The following FOLH1 variants were observed in gnomAD, a reference collection of about 807,000 sequenced individuals.
FOLH1 encodes glutamate carboxypeptidase 2.
FOLH1 carries 54 observed loss-of-function variants against 93.9 expected under a neutral mutation model. The ratio of observed to expected loss-of-function variants is 0.57; its 90% CI spans 0.46 to 0.72. The LOEUF is 0.72. FOLH1 is among the 30% of genes least tolerant of loss of function. The pLI, the probability that FOLH1 is intolerant of heterozygous loss-of-function variation, is 0.00. For missense variants in FOLH1, 571 were observed against 892.5 expected, an observed-to-expected ratio of 0.64 and a Z score of 4.59; for synonymous variants, 249 against 303.6, an observed-to-expected ratio of 0.82 and a Z score of 1.87.
intron 15 of FOLH1, 34 bp downstream of exon 15, chr11:49,156,683 A>G: frequency 1.9e-6 from 3 of 1,612,076 alleles, no homozygotes; most frequent in South Asian, 2.2e-5. Context: ...AAACATATTC[A>G]TAAATAATCT....
At chr11:49,184,221 G>A (rs374531251) in intron 6 of FOLH1, among the ~76,000 whole-genome samples, 16 of 152,170 alleles carry the variant, frequency 1.1e-4, no homozygotes, top group African/African-American at 3.1e-4. Context: ...AAATTGGAGA[G>A]ATAAACAAAT....
intron 2 of FOLH1, among the ~76,000 whole-genome samples, chr11:49,201,675 T>A (rs569297513): frequency 6.6e-6 from 1 of 152,300 alleles, no homozygotes; most frequent in African/African-American, 2.4e-5. Flanking sequence ...GGAGTCTCTA[T>A]CCCTTATCAG....
At chr11:49,166,433 C>T (rs1308320913) in intron 12 of FOLH1, among the ~76,000 whole-genome samples, 1 of 152,178 alleles carries the variant, frequency 6.6e-6, no homozygotes, top group African/African-American at 2.4e-5. Context: ...TATTTACTTA[C>T]TTATCTCAGA....
chr11:49,183,377 T>A, intron 6 of FOLH1, 135 bp from the exon 7 acceptor site: 1 of 668,788 alleles, frequency 1.5e-6, no homozygotes, highest in Non-Finnish European at 2.4e-6. Context: ...AATTCAAATG[T>A]TAGCGAGAAT....
At chr11:49,193,425 G>A (rs1194433379) in intron 3 of FOLH1, among the ~76,000 whole-genome samples, 1 of 152,058 alleles carries the variant, frequency 6.6e-6, no homozygotes, top group East Asian at 1.9e-4. Context: ...ACTAGCTTTC[G>A]ATTTTGGAGA....
chr11:49,192,827 G>T lies in FOLH1; in HGVS notation c.479C>A (p.Pro160His). The part of the protein sequence containing the change: ...GYENVSDIVP[P>H]FSAFSPQGMP... ...TCCTTGAGGAGAGAAAGCACTGAAAGGTGGTACAATATCCGAAACATTTTC... is the reference window on the plus strand; with the variant it reads ...TCCTTGAGGAGAGAAAGCACTGAAATGTGGTACAATATCCGAAACATTTTC... The change falls in exon 4 of 19, where the codon CCT becomes CAT. Residue 160 changes from proline (P) to histidine (H), a missense_variant. Coordinates refer to ENST00000256999, the MANE Select transcript of FOLH1 (RefSeq NM_004476.3). 6.2e-7 allele frequency: 1 copy of T among 1,608,136 alleles called. No individual in the cohort carries two copies. Among genetic ancestry groups the T allele is most frequent in the East Asian group, 2.2e-5 (1 of 44,582 alleles).
At chr11:49,159,986 G>A (rs1202230027) in intron 13 of FOLH1, among the ~76,000 whole-genome samples, 3 of 150,846 alleles carry the variant, frequency 2.0e-5, no homozygotes, top group African/African-American at 7.3e-5. Context: ...GCAATTGCGC[G>A]ATCTCTGCTC....
At chr11:49,157,861 A>G (rs1336678976) in intron 14 of FOLH1, 91 bp downstream of exon 14, 9 of 1,271,772 alleles carry the variant, frequency 7.1e-6, no homozygotes, top group South Asian at 6.6e-5. Flanking sequence ...TTTGAAACTT[A>G]ATTTTTCACT....
chr11:49,178,411 C>A lies in FOLH1; in HGVS notation c.921-2454G>T, dbSNP rs1351737790. On this transcript the variant is annotated intron_variant, in intron 7 of 18. Transcript: ENST00000256999. ...AATTGTGAACTTTGTAAATGTATTTCCTTTTCAGAATAAAAATTAATAGTC... is the reference window on the plus strand; with the variant it reads ...AATTGTGAACTTTGTAAATGTATTTACTTTTCAGAATAAAAATTAATAGTC... Among the ~76,000 whole-genome samples the A allele has an allele frequency of 3.3e-5, 5 of 152,088 alleles. No homozygotes were observed. The South Asian group carries it at 8.3e-4, about 25-fold the overall frequency.
chr11:49,202,584 C>T (rs1336321308), intron 2 of FOLH1, among the ~76,000 whole-genome samples: 1 of 152,178 alleles, frequency 6.6e-6, no homozygotes, highest in Non-Finnish European at 1.5e-5. Flanking sequence ...TCACTCAAGG[C>T]ATCTGCCTGC....
At position 49,200,398 on chromosome 11, in the gene FOLH1, A is replaced by C; in HGVS notation, c.268T>G (p.Phe90Val). The C allele has an allele frequency of 1.2e-6, 2 of 1,613,510 alleles. No homozygotes were observed. The change falls in exon 3 of 19, where the codon TTT (phenylalanine) becomes GTT (valine). Residue 90 changes from phenylalanine to valine, a missense_variant. This residue lies in a region of FOLH1 where 500 missense variants were observed against 822.9 expected (regional missense o/e 0.61). Coordinates refer to ENST00000256999, the MANE Select transcript of FOLH1 (RefSeq NM_004476.3). ...GATTGAATTTGCTTTGCAAGCTGAA[A>C]GTTTTGTTCTGTTCCTGCTAAATGT... ...IPHLAGTEQN[F>V]QLAKQIQSQW...
rs1323040955 is a variant in FOLH1, at chr11:49,192,921, A to T, written c.412-27T>A. 4.5e-6 allele frequency: 7 copies of T among 1,546,440 alleles called. No homozygotes were observed. In the Admixed American group the frequency reaches 1.4e-4, roughly 31 times the overall value. ...TAGAGAAACAAAATATTATAATCAA[A>T]ATAAAACAGTTAAAGTTTGATTACT... On this transcript the variant is annotated intron_variant, in intron 3 of 18. Transcript: ENST00000256999.
At chr11:49,187,209 C>T (rs1048447099) in intron 4 of FOLH1, among the ~76,000 whole-genome samples, 1 of 152,130 alleles carries the variant, frequency 6.6e-6, no homozygotes, top group African/African-American at 2.4e-5. Context: ...AAGAAAAATG[C>T]ACAGGTAACA....
At chr11:49,196,782 A>G (rs1367729122) in intron 3 of FOLH1, among the ~76,000 whole-genome samples, 1 of 152,192 alleles carries the variant, frequency 6.6e-6, no homozygotes, top group Non-Finnish European at 1.5e-5. Context: ...TACCATAATT[A>G]ATGGTGAGAA....
intron 4 of FOLH1, among the ~76,000 whole-genome samples, chr11:49,191,071 G>A (rs1407444587): frequency 6.6e-6 from 1 of 152,148 alleles, no homozygotes; most frequent in Non-Finnish European, 1.5e-5. Context: ...AGGTCAGGAG[G>A]CGCGATCTCG....
At chr11:49,206,208 A>C (rs777066596) in intron 1 of FOLH1, 36 bp from the exon 2 acceptor site, 10 of 1,609,878 alleles carry the variant, frequency 6.2e-6, no homozygotes, top group Non-Finnish European at 6.8e-6. Flanking sequence ...ATGAGATACG[A>C]GCCTATAGAT....
Position 49,164,370 on chromosome 11 carries a change from G to A in FOLH1, c.1440+335C>T, listed in dbSNP as rs200838647. Among the ~76,000 whole-genome samples, 64 of 152,244 alleles carry A rather than the reference G, an allele frequency of 4.2e-4. No individual in the cohort carries two copies. In the East Asian group the frequency reaches 0.012, roughly 29 times the overall value. On this transcript the variant is annotated intron_variant, in intron 13 of 18. Coordinates refer to ENST00000256999, the MANE Select transcript of FOLH1 (RefSeq NM_004476.3). Reference sequence around the variant, plus strand: ...GAGTATAAACAAGTTTTTTAATTAAGGAGTTGAGCCATAGGACCAAGTCTT... The same window carrying A: ...GAGTATAAACAAGTTTTTTAATTAAAGAGTTGAGCCATAGGACCAAGTCTT...
At chr11:49,149,656 G>C (rs1375328128) in intron 17 of FOLH1, among the ~76,000 whole-genome samples, 2 of 152,088 alleles carry the variant, frequency 1.3e-5, no homozygotes, top group African/African-American at 2.4e-5. Flanking sequence ...CAAGCTTGTA[G>C]AGTGAGCATC....
intron 10 of FOLH1, among the ~76,000 whole-genome samples, chr11:49,171,671 T>C (rs1386438384): frequency 6.6e-6 from 1 of 152,214 alleles, no homozygotes; most frequent in Admixed American, 6.5e-5. Context: ...TTTCCTGTTG[T>C]TCTGACATCA....
Sources: gnomAD v4.1 joint callset for allele counts (sites outside exome capture counted in the v4.1 genomes callset) on GRCh38, gnomAD v4.1.1 for gene constraint, gnomAD v4.1.1 regional missense constraint, MANE v1.5 for transcripts, NCBI Gene and HGNC (gene_info 2026-07-23, HGNC 2026-07-21) for gene names.